Variants in SUGCT observed in about 807,000 individuals in gnomAD.
SUGCT encodes the protein succinyl-CoA:glutarate-CoA transferase.
Under a neutral mutation model 55.0 loss-of-function variants are expected in SUGCT, and 41 were observed. That is an observed-to-expected ratio of 0.74 (90% CI 0.58 to 0.97). The LOEUF is 0.97. SUGCT is among the 50% of genes least tolerant of loss of function. SUGCT has a pLI of 0.00. For missense variants in SUGCT, 568 were observed against 547.8 expected (o/e 1.04, Z -0.37); for synonymous variants, 187 against 200.4 (o/e 0.93, Z 0.56).
chr7:41,007,051 A>C, the SUGCT span, among the ~76,000 whole-genome samples: 2 of 152,190 alleles, frequency 1.3e-5, no homozygotes, highest in African/African-American at 4.8e-5. Context: ...GTTTCTGGAA[A>C]AAATTTTCAT....
intron 13 of SUGCT, among the ~76,000 whole-genome samples, chr7:40,781,478 C>T (rs1789746976): frequency 6.6e-6 from 1 of 151,786 alleles, no homozygotes. Context: ...TACACACACA[C>T]ATACACACAC....
intron 12 of SUGCT, among the ~76,000 whole-genome samples, chr7:40,651,966 G>A (rs868594585): frequency 6.6e-6 from 1 of 151,382 alleles, no homozygotes; most frequent in South Asian, 2.1e-4. Context: ...ACCTCCACCT[G>A]TTCTTTCCTT....
chr7:40,994,588 G>C, the SUGCT span, among the ~76,000 whole-genome samples: 1 of 152,172 alleles, frequency 6.6e-6, no homozygotes, highest in Non-Finnish European at 1.5e-5. Flanking sequence ...GAAATGCAGG[G>C]CCTGGCCAGA....
In SUGCT at chr7:40,266,160, T is replaced by TTTTTC. The variant is rs1164633088; in HGVS notation, c.577-8339_577-8335dup. Among the ~76,000 whole-genome samples the TTTTTC allele has an allele frequency of 2.2e-3, 331 of 149,572 alleles. 1 individual carries two copies. Among genetic ancestry groups the TTTTTC allele is most frequent in the African/African-American group, 7.6e-3 (309 of 40,822 alleles). On this transcript the variant is annotated intron_variant, in intron 7 of 13. Coordinates refer to ENST00000335693, the MANE Select transcript of SUGCT (RefSeq NM_001193313.2). Reference sequence around the variant, plus strand: ...TTTAATTTTGAAATAGTTTTTTTTCTTTTTCTTTTCTTTTCTTTCCTTTCC... The same window carrying TTTTTC: ...TTTAATTTTGAAATAGTTTTTTTTCTTTTTCTTTTCTTTTCTTTTCTTTCCTTTCC...
chr7:40,814,536 A>G (rs1379807046), intron 13 of SUGCT, among the ~76,000 whole-genome samples: 4 of 151,858 alleles, frequency 2.6e-5, no homozygotes, highest in African/African-American at 9.7e-5. Context: ...GTGAGGTTTT[A>G]AATTCCAGAA....
intron 11 of SUGCT, among the ~76,000 whole-genome samples, chr7:40,460,750 C>G (rs1415335894): frequency 1.3e-5 from 2 of 152,178 alleles, no homozygotes; most frequent in East Asian, 3.8e-4. Flanking sequence ...CATTTTCCCT[C>G]TTTGGGGTGA....
At chr7:40,786,502 C>A (rs1790021200) in intron 13 of SUGCT, among the ~76,000 whole-genome samples, 2 of 152,078 alleles carry the variant, frequency 1.3e-5, no homozygotes, top group African/African-American at 4.8e-5. Context: ...TAAAGATATT[C>A]ATAGACTAGA....
intron 9 of SUGCT, among the ~76,000 whole-genome samples, chr7:40,325,989 A>G (rs1031000823): frequency 1.5e-5 from 2 of 137,534 alleles, no homozygotes; most frequent in African/African-American, 2.7e-5. Flanking sequence ...TTATGATTCT[A>G]GTGGGTACCA....
rs1206148124 is a variant in SUGCT, at chr7:40,135,024, C to G, written c.4C>G (p.Leu2Val). M[L>V]ATLARVAALR... ...GATGCCATCTGAGACGCACGCGATG[C>G]TGGCGACGCTGGCGAGGGTGGCAGC... The change falls in exon 1 of 14, where the codon CTG (leucine) becomes GTG (valine). Residue 2 changes from leucine to valine, a missense_variant. Coordinates refer to ENST00000335693, the MANE Select transcript of SUGCT (RefSeq NM_001193313.2). The G allele has an allele frequency of 6.4e-7, 1 of 1,560,082 alleles. No individual in the cohort carries two copies. The highest frequency in any genetic ancestry group is 2.4e-5 in the East Asian group (1 of 41,388).
intron 12 of SUGCT, among the ~76,000 whole-genome samples, chr7:40,631,148 G>A (rs1482009135): frequency 6.6e-6 from 1 of 152,116 alleles, no homozygotes; most frequent in African/African-American, 2.4e-5. Flanking sequence ...TATGAAAACA[G>A]GAGAGAGTAT....
intron 7 of SUGCT, among the ~76,000 whole-genome samples, chr7:40,242,934 T>TATATATATATGTATA (rs1491495282): frequency 5.5e-5 from 1 of 18,044 alleles, no homozygotes; most frequent in African/African-American, 1.9e-4. Flanking sequence ...TATATATATA[T>TATATATATATGTATA]TTTTTTTTTT....
intron 12 of SUGCT, among the ~76,000 whole-genome samples, chr7:40,722,640 A>G (rs1786405413): frequency 6.6e-6 from 1 of 152,160 alleles, no homozygotes; most frequent in Non-Finnish European, 1.5e-5. Context: ...TTTGTCCACT[A>G]TAGCTTTATT....
At chr7:40,380,582 C>T (rs1048884530) in intron 9 of SUGCT, among the ~76,000 whole-genome samples, 1 of 152,094 alleles carries the variant, frequency 6.6e-6, no homozygotes, top group Non-Finnish European at 1.5e-5. Flanking sequence ...TGGGTTGCAT[C>T]GCATCCCCTA....
chr7:40,137,000 C>G (rs1232659255), intron 1 of SUGCT, among the ~76,000 whole-genome samples: 1 of 151,878 alleles, frequency 6.6e-6, no homozygotes, highest in Non-Finnish European at 1.5e-5. Flanking sequence ...ATCATGCCCC[C>G]CCACCCCACT....
intron 12 of SUGCT, among the ~76,000 whole-genome samples, chr7:40,601,078 T>A (rs1798269356): frequency 6.6e-6 from 1 of 152,310 alleles, no homozygotes; most frequent in East Asian, 1.9e-4. Flanking sequence ...TTATATGAAG[T>A]TCAAAACTGC....
intron 7 of SUGCT, among the ~76,000 whole-genome samples, chr7:40,264,108 T>C (rs900512910): frequency 6.6e-6 from 1 of 152,200 alleles, no homozygotes; most frequent in Admixed American, 6.5e-5. Context: ...CTCTGTCTTA[T>C]TAGGGCTCTG....
chr7:40,796,119 T>C (rs1015132884), intron 13 of SUGCT, among the ~76,000 whole-genome samples: 1 of 152,096 alleles, frequency 6.6e-6, no homozygotes, highest in African/African-American at 2.4e-5. Context: ...TGTTTGTCTG[T>C]GTACAACAAA....
At chr7:40,380,030 A>G (rs142043322) in intron 9 of SUGCT, among the ~76,000 whole-genome samples, 110 of 152,286 alleles carry the variant, frequency 7.2e-4, no homozygotes, top group African/African-American at 2.6e-3. Context: ...CCACAAAGAG[A>G]TGGTTGTTAA....
chr7:40,898,614 C>T, the SUGCT span, among the ~76,000 whole-genome samples: 32 of 151,474 alleles, frequency 2.1e-4, no homozygotes, highest in African/African-American at 6.8e-4. Flanking sequence ...GTCCTAGCTA[C>T]GGGGGAAGCT....
Sources: allele counts gnomAD v4.1 joint callset (sites outside exome capture counted in the v4.1 genomes callset), GRCh38; gene constraint gnomAD v4.1.1; transcripts MANE v1.5; gene names NCBI Gene and HGNC (gene_info 2026-07-23, HGNC 2026-07-21).